The following CHD6 variants were observed in gnomAD, a reference collection of about 807,000 sequenced individuals.
CHD6 encodes the protein chromodomain helicase DNA binding protein 6.
In CHD6, 50 loss-of-function variants were observed where a neutral mutation model predicts 276.9. That is an observed-to-expected ratio of 0.18 (90% CI 0.14 to 0.23). The LOEUF is 0.23. CHD6 is among the 10% of genes least tolerant of loss of function. The probability of loss-of-function intolerance (pLI) is 1.00; values close to 1 mark genes in which losing one functional copy is unlikely to be tolerated. For synonymous variants in CHD6, 1,173 were observed against 1,229.3 expected, an observed-to-expected ratio of 0.95 and a Z score of 0.96; for missense variants, 2,564 against 3,365.8, an observed-to-expected ratio of 0.76 and a Z score of 5.89.
At chr20:41,584,740 C>T (rs1374180584) in intron 1 of CHD6, among the ~76,000 whole-genome samples, 1 of 151,852 alleles carries the variant, frequency 6.6e-6, no homozygotes, top group Non-Finnish European at 1.5e-5. Flanking sequence ...CAAGGGAAAC[C>T]AGAAAATACT....
At position 41,427,304 on chromosome 20, in the gene CHD6, C is replaced by A. The variant is rs141265466; in HGVS notation, c.4069-1151G>T. Among the ~76,000 whole-genome samples, 41 of 151,926 alleles carry A rather than the reference C, an allele frequency of 2.7e-4. No individual in the cohort carries two copies. In the East Asian group the frequency reaches 6.6e-3, roughly 24 times the overall value. On this transcript the variant is annotated intron_variant, in intron 27 of 36. Coordinates refer to ENST00000373233, the MANE Select transcript of CHD6 (RefSeq NM_032221.5). Reference sequence around the variant, plus strand: ...CCTGATACGACGCAAAGAACAGGAGCCCATTTTCTGAATGAATTTCTCTCT... The same window carrying A: ...CCTGATACGACGCAAAGAACAGGAGACCATTTTCTGAATGAATTTCTCTCT...
chr20:41,552,228 G>A (rs1268550588), intron 1 of CHD6, among the ~76,000 whole-genome samples: 2 of 152,104 alleles, frequency 1.3e-5, no homozygotes, highest in African/African-American at 2.4e-5. Context: ...AGTTCTAGCC[G>A]GAATATAAAC....
chr20:41,593,213 G>GT (rs1457230183), intron 1 of CHD6, among the ~76,000 whole-genome samples: 1 of 144,006 alleles, frequency 6.9e-6, no homozygotes, highest in Non-Finnish European at 1.5e-5. Flanking sequence ...GGGGGGGGGG[G>GT]GTTAAATAGT....
chr20:41,452,908 T>C lies in CHD6; in HGVS notation c.3155A>G (p.Lys1052Arg). 1.2e-6 allele frequency: 2 copies of C among 1,613,828 alleles called. No homozygotes were observed. The highest frequency in any genetic ancestry group is 1.3e-5 in the African/African-American group (1 of 74,930). Reference sequence around the variant, plus strand: ...AAACGAGTTGTAGTGTTTGGTCTGCTTTCTCACGCGAGGTCGGTCGATCAC... The same window carrying C: ...AAACGAGTTGTAGTGTTTGGTCTGCCTTCTCACGCGAGGTCGGTCGATCAC... ...SLVIDRPRVR[K>R]QTKHYNSFEE... is the part of the protein sequence containing the mutation. The change falls in exon 21 of 37, where the codon AAG becomes AGG. Residue 1052 changes from lysine to arginine, a missense_variant. Coordinates refer to ENST00000373233, the MANE Select transcript of CHD6 (RefSeq NM_032221.5). The surrounding 1 kb of genome is among the most constrained non-coding windows in gnomAD (Gnocchi z 4.2).
At position 41,514,873 on chromosome 20, in the gene CHD6, G is replaced by C; in HGVS notation, c.634C>G (p.Leu212Val). 5 of 1,614,022 alleles carry C rather than the reference G, an allele frequency of 3.1e-6. No individual in the cohort carries two copies. The highest frequency in any genetic ancestry group is 4.2e-6 in the Non-Finnish European group (5 of 1,179,948). ...GATGGGTTCGTCAGGCCCTGATCCA[G>C]CTCTAAACTCTCCACTGTAGTTTCA... ...KSETTVESLELDQGLTNPSLR... is the reference protein window; with the variant it reads ...KSETTVESLEVDQGLTNPSLR... The change falls in exon 4 of 37, where the codon CTG becomes GTG. Residue 212 changes from leucine (L) to valine (V), a missense_variant. Physicochemically the swap from Leu to Val is conservative, Grantham distance 32. Coordinates refer to ENST00000373233, the MANE Select transcript of CHD6 (RefSeq NM_032221.5).
intron 1 of CHD6, among the ~76,000 whole-genome samples, chr20:41,552,463 T>C (rs1339967922): frequency 2.6e-5 from 4 of 152,236 alleles, no homozygotes; most frequent in Non-Finnish European, 5.9e-5. Flanking sequence ...TTAGCTTGAC[T>C]TAATTATTAC....
intron 31 of CHD6, 75 bp downstream of exon 31, chr20:41,420,433 T>C: frequency 6.8e-7 from 1 of 1,466,462 alleles, no homozygotes; most frequent in South Asian, 1.3e-5. Context: ...TGAAGCACTC[T>C]CTCCCCTAAA....
chr20:41,488,370 T>C, intron 13 of CHD6, 58 bp downstream of exon 13: 1 of 1,450,892 alleles, frequency 6.9e-7, no homozygotes, highest in Non-Finnish European at 9.3e-7. Context: ...CTAAAGAGTG[T>C]TTCCTCCAAG....
At chr20:41,460,014 G>A (rs2048495176) in intron 17 of CHD6, among the ~76,000 whole-genome samples, 1 of 152,234 alleles carries the variant, frequency 6.6e-6, no homozygotes, top group African/African-American at 2.4e-5. Flanking sequence ...GGCTGAAGTG[G>A]TCTCAGAAGG....
In CHD6 at chr20:41,404,623, T is replaced by C. The variant is rs2046616082; in HGVS notation, c.8118A>G (p.Ala2706=). ...REHGAQAGEG[A]LKDSNNDTN is the part of the protein sequence containing the mutation. Reference sequence around the variant, plus strand: ...TGGTGTCGTTGTTGGAGTCTTTGAGTGCCCCCTCCCCAGCCTGTGCCCCAT... The same window carrying C: ...TGGTGTCGTTGTTGGAGTCTTTGAGCGCCCCCTCCCCAGCCTGTGCCCCAT... Residue 2706 remains alanine, a synonymous_variant, in exon 37 of 37, where the codon GCA becomes GCG. Coordinates refer to ENST00000373233, the MANE Select transcript of CHD6 (RefSeq NM_032221.5). The C allele has an allele frequency of 6.7e-7, 1 of 1,499,792 alleles. No individual in the cohort carries two copies. Among genetic ancestry groups the C allele is most frequent in the African/African-American group, 1.4e-5 (1 of 71,482 alleles). The allele number at this position is 1,499,792 out of a possible 1,614,324, so 92.9% of individuals were successfully genotyped here.
At chr20:41,583,445 A>G (rs2045561507) in intron 1 of CHD6, among the ~76,000 whole-genome samples, 1 of 152,124 alleles carries the variant, frequency 6.6e-6, no homozygotes, top group Non-Finnish European at 1.5e-5. Context: ...CCCAAAATGA[A>G]AGCAAAACAA....
At position 41,421,420 on chromosome 20, in the gene CHD6, T is replaced by C. The variant is rs759310983; in HGVS notation, c.5215A>G (p.Ile1739Val). 3 of 1,614,062 alleles carry C rather than the reference T, an allele frequency of 1.9e-6. No homozygotes were observed. The highest frequency in any genetic ancestry group is 4.5e-5 in the East Asian group (2 of 44,894). ...ESRKDVITISISKDGNCQSGG... is the reference protein window; with the variant it reads ...ESRKDVITISVSKDGNCQSGG... ...GACTGGCAGTTCCCATCTTTGCTTA[T>C]TGAGATGGTAATAACATCTTTTCTA... Residue 1739 changes from isoleucine to valine, a missense_variant, in exon 31 of 37, where the codon ATA becomes GTA. This residue lies in a region of CHD6 where 1,024 missense variants were observed against 1,047.9 expected (regional missense o/e 0.98). Transcript: ENST00000373233.
At chr20:41,563,118 T>C (rs2045319496) in intron 1 of CHD6, among the ~76,000 whole-genome samples, 1 of 152,178 alleles carries the variant, frequency 6.6e-6, no homozygotes, top group Non-Finnish European at 1.5e-5. Flanking sequence ...TGCATGTGGG[T>C]AATATAAGCC....
Position 41,501,360 on chromosome 20 carries a change from C to G in CHD6, c.853-2003G>C, listed in dbSNP as rs1034378967. ...GAAATGCACCTATATAACTACCACT[C>G]AAGATCAAGTTTATATAATTTTTCC... On this transcript the variant is annotated intron_variant, in intron 5 of 36. Transcript: ENST00000373233. 5.3e-5 allele frequency among the ~76,000 whole-genome samples: 8 copies of G among 152,150 alleles called. No individual in the cohort carries two copies. In the East Asian group the frequency reaches 1.3e-3, roughly 26 times the overall value.
At chr20:41,566,620 G>A (rs1460241126) in intron 1 of CHD6, among the ~76,000 whole-genome samples, 1 of 152,174 alleles carries the variant, frequency 6.6e-6, no homozygotes, top group African/African-American at 2.4e-5. Context: ...TTGCCAGCCT[G>A]TAGAATTACT....
At chr20:41,472,653 T>C (rs1327075833) in intron 17 of CHD6, among the ~76,000 whole-genome samples, 2 of 152,234 alleles carry the variant, frequency 1.3e-5, no homozygotes, top group Non-Finnish European at 2.9e-5. Flanking sequence ...TGTTTTTACT[T>C]TGAAACAGGG....
intron 1 of CHD6, among the ~76,000 whole-genome samples, chr20:41,574,579 A>G (rs924774975): frequency 6.6e-5 from 10 of 152,230 alleles, no homozygotes; most frequent in African/African-American, 2.4e-4. Context: ...TTATGATGAA[A>G]TACTAAAGGC....
At chr20:41,408,884 G>C (rs1167308225) in intron 36 of CHD6, among the ~76,000 whole-genome samples, 1 of 152,184 alleles carries the variant, frequency 6.6e-6, no homozygotes, top group African/African-American at 2.4e-5. Flanking sequence ...CCTCCTCAGG[G>C]GATCTAGGAC....
At chr20:41,428,907 C>T (rs190004869) in intron 27 of CHD6, among the ~76,000 whole-genome samples, 2 of 152,280 alleles carry the variant, frequency 1.3e-5, no homozygotes, top group East Asian at 3.9e-4. Context: ...AAAGTATACA[C>T]AAATACTAGT....
Sources: allele counts gnomAD v4.1 joint callset (sites outside exome capture counted in the v4.1 genomes callset), GRCh38; gene constraint gnomAD v4.1.1; regional missense constraint gnomAD v4.1.1; non-coding constraint Gnocchi (gnomAD v3.1); transcripts MANE v1.5; gene names NCBI Gene and HGNC (gene_info 2026-07-23, HGNC 2026-07-21).